The following EPHA5 variants were observed in gnomAD, a reference collection of about 807,000 sequenced individuals.
The protein encoded by EPHA5 is ephrin type-A receptor 5.
Under a neutral mutation model 105.0 loss-of-function variants are expected in EPHA5, and 60 were observed. The observed-to-expected ratio is 0.57, with a 90% CI of 0.46 to 0.71. The LOEUF (loss-of-function observed/expected upper bound fraction) is 0.71. EPHA5 is among the 30% of genes least tolerant of loss of function. EPHA5 has a pLI of 0.00. For missense variants in EPHA5, 1,218 were observed against 1,274.7 expected (o/e 0.96, Z 0.68); for synonymous variants, 513 against 449.1 (o/e 1.14, Z -1.80).
intron 3 of EPHA5, among the ~76,000 whole-genome samples, chr4:65,559,837 T>G (rs1175673182): frequency 2.0e-5 from 3 of 152,160 alleles, no homozygotes; most frequent in Non-Finnish European, 4.4e-5. Context: ...CATTTTTCTT[T>G]TACATGGTTG....
chr4:65,642,859 T>G (rs542687764), intron 2 of EPHA5, among the ~76,000 whole-genome samples: 45 of 152,096 alleles, frequency 3.0e-4, no homozygotes, highest in African/African-American at 1.0e-3. Context: ...TGGAATCTTT[T>G]TTTATCTCAA....
intron 1 of EPHA5, among the ~76,000 whole-genome samples, chr4:65,653,058 T>C (rs2149531950): frequency 6.6e-6 from 1 of 152,224 alleles, no homozygotes; most frequent in Middle Eastern, 3.4e-3. Context: ...TTTGAAGGGA[T>C]GCTTACCTTA....
chr4:65,420,513 G>A lies in EPHA5; in HGVS notation c.1455C>T (p.Ile485=), dbSNP rs2149037056. The part of the protein sequence containing the change: ...VKKGKIAKNS[I]SLSWQEPDRP... ...GATCTGGTTCTTGCCAAGACAAAGA[G>A]ATGCTGTTTTTTGCAATTTTCCCTT... The change falls in exon 6 of 17, where the codon ATC becomes ATT. Residue 485 remains isoleucine, a synonymous_variant. Coordinates refer to ENST00000613740, the MANE Select transcript of EPHA5 (RefSeq NM_001281766.3). 1 of 1,613,166 alleles carries A rather than the reference G, an allele frequency of 6.2e-7. No individual in the cohort carries two copies.
intron 5 of EPHA5, among the ~76,000 whole-genome samples, chr4:65,453,625 A>G (rs756680908): frequency 5.9e-5 from 9 of 152,158 alleles, no homozygotes; most frequent in Non-Finnish European, 1.2e-4. Context: ...TAAGGGAAGA[A>G]TGTCTCAAGT....
intron 5 of EPHA5, among the ~76,000 whole-genome samples, chr4:65,476,486 A>G (rs1199750549): frequency 6.6e-6 from 1 of 152,156 alleles, no homozygotes; most frequent in Non-Finnish European, 1.5e-5. Context: ...GCGGAACAGA[A>G]AACCTAATAC....
At chr4:65,339,874 C>G (rs1721542444) in intron 14 of EPHA5, among the ~76,000 whole-genome samples, 1 of 152,138 alleles carries the variant, frequency 6.6e-6, no homozygotes, top group Admixed American at 6.6e-5. Context: ...CCCACACAGA[C>G]ATGGGGAGAA....
At position 65,348,811 on chromosome 4, in the gene EPHA5, A is replaced by T. The variant is rs58910919; in HGVS notation, c.2446-608T>A. On this transcript the variant is annotated intron_variant, in intron 13 of 16. Transcript: ENST00000613740. ...TGTGTGTGTATATATATATATATAT[A>T]TATATTTTTTTTTTTTTTTTTTGAG... is the stretch of plus-strand genomic sequence containing the variant. Among the ~76,000 whole-genome samples, 513 of 56,386 alleles carry T rather than the reference A, an allele frequency of 9.1e-3. 57 individuals carry two copies. Among genetic ancestry groups the T allele is most frequent in the East Asian group, 0.03 (57 of 1,924 alleles). 37.0% of individuals were successfully genotyped at this position (56,386 alleles called of 152,430 possible).
At chr4:65,522,005 T>C (rs920549908) in intron 3 of EPHA5, among the ~76,000 whole-genome samples, 6 of 151,980 alleles carry the variant, frequency 3.9e-5, no homozygotes, top group Admixed American at 3.3e-4. Flanking sequence ...CATTTCATAG[T>C]CTATCTAAAA....
In EPHA5 at chr4:65,552,910, G is replaced by A. The variant is rs572934098; in HGVS notation, c.910+48731C>T. On this transcript the variant is annotated intron_variant, in intron 3 of 16. Coordinates refer to ENST00000613740, the MANE Select transcript of EPHA5 (RefSeq NM_001281766.3). ...ACATCAATATAGATACATTTCCCAG[G>A]GCATATTAACTTAAGGTAAATTGCT... Among the ~76,000 whole-genome samples, 9 of 151,776 alleles carry A rather than the reference G, an allele frequency of 5.9e-5. No homozygotes were observed. The South Asian group carries it at 1.5e-3, about 25-fold the overall frequency.
chr4:65,361,576 A>G (rs890233496), intron 11 of EPHA5, among the ~76,000 whole-genome samples: 1 of 151,560 alleles, frequency 6.6e-6, no homozygotes, highest in African/African-American at 2.4e-5. Context: ...AATATATAAT[A>G]AGACCCTGTA....
intron 13 of EPHA5, among the ~76,000 whole-genome samples, chr4:65,351,031 C>CTATA (rs34164927): frequency 9.3e-5 from 14 of 149,962 alleles, no homozygotes; most frequent in African/African-American, 2.4e-4. Context: ...CACATACATA[C>CTATA]TATATATATA....
rs1431320389 is a variant in EPHA5, at chr4:65,322,693, T to A, written c.*1421A>T. 4.4e-6 allele frequency: 1 copy of A among 225,832 alleles called. No homozygotes were observed. The highest frequency in any genetic ancestry group is 2.2e-5 in the African/African-American group (1 of 44,994). 14.0% of individuals were successfully genotyped at this position (225,832 alleles called of 1,614,324 possible). A position where few individuals can be genotyped will look rare whatever the true frequency, so the allele number is the denominator to read the frequency against. On this transcript the variant is annotated 3_prime_UTR_variant, in exon 17 of 17. Coordinates refer to ENST00000613740, the MANE Select transcript of EPHA5 (RefSeq NM_001281766.3). ...AGCCTAATTACATAATACCTTGGATTGGTTCAATAAAATAAACTCAAAGCC... is the reference window on the plus strand; with the variant it reads ...AGCCTAATTACATAATACCTTGGATAGGTTCAATAAAATAAACTCAAAGCC...
At chr4:65,497,032 T>C (rs1485603843) in intron 3 of EPHA5, among the ~76,000 whole-genome samples, 2 of 152,216 alleles carry the variant, frequency 1.3e-5, no homozygotes, top group Non-Finnish European at 2.9e-5. Flanking sequence ...AGCCAAACTT[T>C]AATATGCTAA....
chr4:65,425,986 A>G lies in EPHA5; in HGVS notation c.1403-5421T>C, dbSNP rs1372304897. On this transcript the variant is annotated intron_variant, in intron 5 of 16. Coordinates refer to ENST00000613740, the MANE Select transcript of EPHA5 (RefSeq NM_001281766.3). The stretch of plus-strand genomic sequence containing the variant: ...TTTTTCTGACAACTTCGTAAAATGT[A>G]TAACCGCGTCCACCCTCGTTGAAGA... Among the ~76,000 whole-genome samples the G allele has an allele frequency of 2.6e-5, 4 of 152,156 alleles. 1 individual carries two copies. In the South Asian group the frequency reaches 8.3e-4, roughly 32 times the overall value.
At chr4:65,535,560 T>A (rs1171332415) in intron 3 of EPHA5, among the ~76,000 whole-genome samples, 4 of 152,158 alleles carry the variant, frequency 2.6e-5, no homozygotes, top group Non-Finnish European at 5.9e-5. Flanking sequence ...TATAAATTTT[T>A]AAGGCAATTT....
intron 5 of EPHA5, among the ~76,000 whole-genome samples, chr4:65,460,141 A>T (rs761601047): frequency 6.6e-6 from 1 of 151,628 alleles, no homozygotes; most frequent in Non-Finnish European, 1.5e-5. Context: ...TTTTAAAATT[A>T]TATATACACA....
At chr4:65,383,697 A>G (rs1719807870) in intron 8 of EPHA5, among the ~76,000 whole-genome samples, 1 of 151,816 alleles carries the variant, frequency 6.6e-6, no homozygotes, top group South Asian at 2.1e-4. Flanking sequence ...CTGAAGGAGT[A>G]ATGGTATCTT....
intron 3 of EPHA5, among the ~76,000 whole-genome samples, chr4:65,501,217 C>T (rs765733558): frequency 1.3e-5 from 2 of 151,300 alleles, no homozygotes; most frequent in African/African-American, 4.8e-5. Flanking sequence ...TTAACATTAA[C>T]AGCATTTTAT....
At chr4:65,576,588 C>T (rs568057208) in intron 3 of EPHA5, among the ~76,000 whole-genome samples, 1 of 152,172 alleles carries the variant, frequency 6.6e-6, no homozygotes, top group Non-Finnish European at 1.5e-5. Flanking sequence ...AGTGCCTGTA[C>T]ACAGGCCAGT....
Sources: allele counts gnomAD v4.1 joint callset (sites outside exome capture counted in the v4.1 genomes callset), GRCh38; gene constraint gnomAD v4.1.1; transcripts MANE v1.5; gene names NCBI Gene and HGNC (gene_info 2026-07-23, HGNC 2026-07-21).